RSBN1: variants seen among roughly 807,000 people sequenced by gnomAD.
The protein encoded by RSBN1 is round spermatid basic protein 1.
A neutral mutation model predicts 74.8 loss-of-function variants in RSBN1; 23 were observed. The ratio of observed to expected loss-of-function variants is 0.31; its 90% CI spans 0.22 to 0.44. The LOEUF (loss-of-function observed/expected upper bound fraction) is 0.44. Among genes scored for constraint, RSBN1 ranks in the 20% least tolerant of loss-of-function variants. The pLI is 1.00. For missense variants in RSBN1, 808 were observed against 1,020.9 expected, an observed-to-expected ratio of 0.79 and a Z score of 2.84; for synonymous variants, 407 against 379.6, an observed-to-expected ratio of 1.07 and a Z score of -0.84.
intron 1 of RSBN1, among the ~76,000 whole-genome samples, chr1:113,804,807 C>A (rs1660669541): frequency 6.6e-6 from 1 of 151,008 alleles, no homozygotes; most frequent in Non-Finnish European, 1.5e-5. Context: ...TGTTTCTGGA[C>A]TTAAAATCCC....
chr1:113,787,604 G>A (rs760802276), intron 2 of RSBN1, among the ~76,000 whole-genome samples: 7 of 152,052 alleles, frequency 4.6e-5, no homozygotes, highest in Admixed American at 6.5e-5. Context: ...AGGATACAAG[G>A]CACAAGCAAG....
At chr1:113,794,619 G>C (rs542270877) in intron 2 of RSBN1, among the ~76,000 whole-genome samples, 2 of 152,260 alleles carry the variant, frequency 1.3e-5, no homozygotes, top group Non-Finnish European at 2.9e-5. Context: ...ACCAAGTTAA[G>C]TATTAACATG....
intron 1 of RSBN1, among the ~76,000 whole-genome samples, chr1:113,804,320 A>G (rs897876772): frequency 2.6e-5 from 4 of 152,230 alleles, no homozygotes; most frequent in African/African-American, 7.2e-5. Flanking sequence ...AATAGGGACC[A>G]TATATGTTAT....
At chr1:113,796,277 C>T (rs969084195) in intron 2 of RSBN1, 3 of 152,310 alleles carry the variant, frequency 2.0e-5, no homozygotes, top group South Asian at 2.1e-4. Flanking sequence ...TGCGACCTCT[C>T]CACATTGGCT....
intron 4 of RSBN1, among the ~76,000 whole-genome samples, chr1:113,772,168 T>C (rs544131745): frequency 1.3e-5 from 2 of 152,158 alleles, no homozygotes; most frequent in East Asian, 3.9e-4. Flanking sequence ...CTAATGATAA[T>C]TTTAAAAACA....
At chr1:113,777,922 G>T in intron 2 of RSBN1, 114 bp from the exon 3 acceptor site, 2 of 983,366 alleles carry the variant, frequency 2.0e-6, no homozygotes, top group Non-Finnish European at 2.8e-6. Context: ...ACTAAGAACT[G>T]AATGGTCAAT....
intron 1 of RSBN1, among the ~76,000 whole-genome samples, chr1:113,800,962 T>A (rs1213164420): frequency 6.6e-6 from 1 of 151,952 alleles, no homozygotes; most frequent in East Asian, 1.9e-4. Flanking sequence ...CAATCTATCT[T>A]CTCACTAATC....
chr1:113,782,026 A>G (rs1571300132), intron 2 of RSBN1, among the ~76,000 whole-genome samples: 1 of 152,192 alleles, frequency 6.6e-6, no homozygotes, highest in Non-Finnish European at 1.5e-5. Context: ...GCATCAAACT[A>G]GAAAATCCTT....
intron 4 of RSBN1, among the ~76,000 whole-genome samples, chr1:113,769,434 A>G (rs888824614): frequency 6.6e-6 from 1 of 152,150 alleles, no homozygotes; most frequent in Non-Finnish European, 1.5e-5. Flanking sequence ...CAAACCAATA[A>G]TAGGGGAAGT....
chr1:113,796,639 A>G (rs1022094244), intron 2 of RSBN1, among the ~76,000 whole-genome samples: 6 of 152,228 alleles, frequency 3.9e-5, no homozygotes, highest in African/African-American at 1.4e-4. Context: ...GCAGAAACTT[A>G]TAGCTGACCA....
At chr1:113,795,035 A>C (rs1490448107) in intron 2 of RSBN1, among the ~76,000 whole-genome samples, 1 of 152,246 alleles carries the variant, frequency 6.6e-6, no homozygotes, top group African/African-American at 2.4e-5. Flanking sequence ...GACTTCAGGT[A>C]AGTCCACACT....
At chr1:113,795,950 T>C (rs1454422126) in intron 2 of RSBN1, among the ~76,000 whole-genome samples, 1 of 152,152 alleles carries the variant, frequency 6.6e-6, no homozygotes, top group Non-Finnish European at 1.5e-5. Context: ...AAGAGAAAAT[T>C]TGCTGCATTT....
At chr1:113,809,141 C>T (rs547357226) in intron 1 of RSBN1, among the ~76,000 whole-genome samples, 1 of 152,162 alleles carries the variant, frequency 6.6e-6, no homozygotes, top group East Asian at 1.9e-4. Flanking sequence ...TGCCCACTCT[C>T]CTTATTAATC....
Position 113,766,302 on chromosome 1 carries a change from G to T in RSBN1, c.2087C>A (p.Ala696Asp). The T allele has an allele frequency of 6.2e-7, 1 of 1,614,046 alleles. No homozygotes were observed. Among genetic ancestry groups the T allele is most frequent in the Non-Finnish European group, 8.5e-7 (1 of 1,179,958 alleles). Residue 696 changes from alanine to aspartate, a missense_variant, in exon 7 of 7, where the codon GCC becomes GAC. Transcript: ENST00000261441. The stretch of plus-strand genomic sequence containing the variant: ...GTACTGTTTAAGCCTTATATGCCAG[G>T]CTAAGCTGCACACCGCCGAAACTGT... ...FKTVSAVCSLAWHIRLKQYHP... is the reference protein window; with the variant it reads ...FKTVSAVCSLDWHIRLKQYHP...
chr1:113,810,973 G>A (rs1347962276), intron 1 of RSBN1, among the ~76,000 whole-genome samples: 1 of 151,994 alleles, frequency 6.6e-6, no homozygotes, highest in Non-Finnish European at 1.5e-5. Context: ...TATTCTTGAG[G>A]GCTATTGGAA....
At chr1:113,766,599 C>T in intron 6 of RSBN1, 146 bp from the exon 7 acceptor site, 2 of 603,054 alleles carry the variant, frequency 3.3e-6, no homozygotes, top group South Asian at 4.5e-5. Flanking sequence ...ATAGGTAACT[C>T]TCTAAAAATT....
chr1:113,774,372 T>A (rs1659943856), intron 4 of RSBN1, among the ~76,000 whole-genome samples: 1 of 151,712 alleles, frequency 6.6e-6, no homozygotes, highest in African/African-American at 2.4e-5. Context: ...TCTTTTTTAA[T>A]TAAAATTAAA....
intron 4 of RSBN1, among the ~76,000 whole-genome samples, chr1:113,775,194 T>C (rs1361447607): frequency 6.6e-6 from 1 of 151,950 alleles, no homozygotes; most frequent in East Asian, 1.9e-4. Flanking sequence ...CCAGCTAATT[T>C]TTGTATTTTT....
chr1:113,800,181 AAAT>A (rs1040281443), intron 1 of RSBN1, among the ~76,000 whole-genome samples: 1 of 152,202 alleles, frequency 6.6e-6, no homozygotes, highest in African/African-American at 2.4e-5. Context: ...TACTAATGCC[AAAT>A]AATATTTCCT....
Sources: allele counts gnomAD v4.1 joint callset (sites outside exome capture counted in the v4.1 genomes callset), GRCh38; gene constraint gnomAD v4.1.1; transcripts MANE v1.5; gene names NCBI Gene and HGNC (gene_info 2026-07-23, HGNC 2026-07-21).